THSD4: variants seen among roughly 807,000 people sequenced by gnomAD.
THSD4 encodes thrombospondin type-1 domain-containing protein 4.
Under a neutral mutation model 119.0 loss-of-function variants are expected in THSD4, and 69 were observed. That is an observed-to-expected ratio of 0.58 (90% CI 0.48 to 0.71). The LOEUF is 0.71. Among genes scored for constraint, THSD4 ranks in the 30% least tolerant of loss-of-function variants. THSD4 has a pLI of 0.00. For missense variants in THSD4, 1,393 were observed against 1,391.1 expected, an observed-to-expected ratio of 1.00 and a Z score of -0.02; for synonymous variants, 524 against 540.4, an observed-to-expected ratio of 0.97 and a Z score of 0.42.
intron 1 of THSD4, among the ~76,000 whole-genome samples, chr15:71,116,644 A>G (rs1036076766): frequency 6.6e-6 from 1 of 152,174 alleles, no homozygotes; most frequent in Non-Finnish European, 1.5e-5. Context: ...GGTAGCAATC[A>G]TTGGATGCCT....
intron 6 of THSD4, among the ~76,000 whole-genome samples, chr15:71,295,737 G>C (rs932588565): frequency 6.6e-6 from 1 of 151,122 alleles, no homozygotes; most frequent in Non-Finnish European, 1.5e-5. Context: ...ATGAGTTTTA[G>C]TAAGTTTACC....
At chr15:71,416,028 C>T (rs1246584254) in intron 7 of THSD4, among the ~76,000 whole-genome samples, 25 of 152,166 alleles carry the variant, frequency 1.6e-4, no homozygotes, top group Non-Finnish European at 8.8e-5. Flanking sequence ...AACTCCTGAC[C>T]TCAGGTAATC....
intron 7 of THSD4, among the ~76,000 whole-genome samples, chr15:71,425,775 G>T (rs2046858935): frequency 6.6e-6 from 1 of 152,212 alleles, no homozygotes; most frequent in Non-Finnish European, 1.5e-5. Context: ...TTCAGCAAAT[G>T]AAGTTAATCT....
rs561895122 is a variant in THSD4, at chr15:71,161,605, C to T, written c.99+6673C>T. ...TGTTTGCATGGAATATGTTTTTCTACCTCTTCACTTTCAGTCTGTGTTTGT... is the reference window on the plus strand; with the variant it reads ...TGTTTGCATGGAATATGTTTTTCTATCTCTTCACTTTCAGTCTGTGTTTGT... On this transcript the variant is annotated intron_variant, in intron 3 of 17. Transcript: ENST00000261862. 6.6e-5 allele frequency among the ~76,000 whole-genome samples: 10 copies of T among 152,012 alleles called. No individual in the cohort carries two copies. The East Asian group carries it at 1.4e-3, about 21-fold the overall frequency.
chr15:71,478,634 A>G (rs375236039), intron 7 of THSD4, among the ~76,000 whole-genome samples: 2 of 152,334 alleles, frequency 1.3e-5, no homozygotes, highest in South Asian at 2.1e-4. Context: ...AAGAATTTCA[A>G]TGGTAGGTAG....
intron 8 of THSD4, among the ~76,000 whole-genome samples, chr15:71,701,678 A>C (rs186968063): frequency 1.3e-5 from 2 of 152,342 alleles, no homozygotes; most frequent in African/African-American, 4.8e-5. Context: ...GGGCTAAAAA[A>C]ATTATAGTAG....
At chr15:71,754,017 G>A (rs2141186298) in intron 14 of THSD4, among the ~76,000 whole-genome samples, 1 of 151,712 alleles carries the variant, frequency 6.6e-6, no homozygotes, top group South Asian at 2.1e-4. Context: ...GAAATTACTT[G>A]GAAACAAGTA....
At chr15:71,124,027 A>G (rs2040432186) in intron 1 of THSD4, among the ~76,000 whole-genome samples, 2 of 152,196 alleles carry the variant, frequency 1.3e-5, no homozygotes, top group African/African-American at 2.4e-5. Context: ...TCAGTTGCCA[A>G]GCTGGTGGTC....
At chr15:71,349,978 A>G (rs746192790) in intron 6 of THSD4, among the ~76,000 whole-genome samples, 1 of 152,272 alleles carries the variant, frequency 6.6e-6, no homozygotes. Context: ...ACGTAATGCA[A>G]ATCGGTTTAT....
chr15:71,130,980 G>A (rs1265112171), intron 1 of THSD4, among the ~76,000 whole-genome samples: 1 of 151,282 alleles, frequency 6.6e-6, no homozygotes, highest in Non-Finnish European at 1.5e-5. Context: ...TCCTGACCTC[G>A]TGATCCGCCT....
chr15:71,765,229 C>T (rs1287089374), intron 16 of THSD4, 30 bp downstream of exon 16: 1 of 1,602,492 alleles, frequency 6.2e-7, no homozygotes. Context: ...ATGGAGGTTG[C>T]ATTGGCACAA....
intron 7 of THSD4, among the ~76,000 whole-genome samples, chr15:71,637,591 C>A (rs1169913186): frequency 6.6e-6 from 1 of 152,188 alleles, no homozygotes; most frequent in African/African-American, 2.4e-5. Context: ...GTTAAAGGAA[C>A]AATGATTATG....
At chr15:71,114,158 G>A (rs537817306), upstream of THSD4, among the ~76,000 whole-genome samples, 5 of 152,160 alleles carry the variant, frequency 3.3e-5, no homozygotes, top group African/African-American at 9.6e-5. Context: ...GCCAGTAGTC[G>A]GTGCTCAAAA....
chr15:71,329,816 C>T (rs900013556), intron 6 of THSD4, among the ~76,000 whole-genome samples: 2 of 152,212 alleles, frequency 1.3e-5, no homozygotes, highest in East Asian at 1.9e-4. Flanking sequence ...CGTGGTGGCT[C>T]ACGCCTATAA....
At chr15:71,663,556 T>C (rs2051355083) in intron 8 of THSD4, among the ~76,000 whole-genome samples, 1 of 152,226 alleles carries the variant, frequency 6.6e-6, no homozygotes, top group Non-Finnish European at 1.5e-5. Context: ...CCTTTTGAAG[T>C]GTACGTTGGT....
Sources: allele counts gnomAD v4.1 joint callset (sites outside exome capture counted in the v4.1 genomes callset), GRCh38; gene constraint gnomAD v4.1.1; transcripts MANE v1.5; gene names NCBI Gene and HGNC (gene_info 2026-07-23, HGNC 2026-07-21).